Variants in GPR180 observed in about 807,000 individuals in gnomAD.
The protein encoded by GPR180 is G protein-coupled receptor 180, also known as integral membrane protein GPR180.
GPR180 carries 53 observed loss-of-function variants against 52.6 expected under a neutral mutation model. The ratio of observed to expected loss-of-function variants is 1.01; its 90% CI spans 0.81 to 1.27. The LOEUF (loss-of-function observed/expected upper bound fraction) is 1.27, where lower values mean the gene tolerates loss of function less well. GPR180 is among the 50% of genes most tolerant of loss of function. The pLI is 0.00. For synonymous variants in GPR180, 200 were observed against 193.1 expected (o/e 1.04, Z -0.30); for missense variants, 533 against 527.0 (o/e 1.01, Z -0.11).
chr13:94,615,612 G>A (rs1046496833), intron 3 of GPR180, among the ~76,000 whole-genome samples: 2 of 152,166 alleles, frequency 1.3e-5, no homozygotes, highest in Admixed American at 6.5e-5. Context: ...AAGGTACAAT[G>A]AAATAAAACT....
rs1437477817 is a variant in GPR180 at position 94,627,136 on chromosome 13, A to G, written c.1288A>G (p.Ile430Val). The G allele has an allele frequency of 3.7e-6, 6 of 1,612,548 alleles. No homozygotes were observed. The highest frequency in any genetic ancestry group is 8.5e-7 in the Non-Finnish European group (1 of 1,179,414). Residue 430 changes from isoleucine to valine, a missense_variant, in exon 9 of 9, where the codon ATA becomes GTA. Physicochemically the swap from Ile to Val is conservative, Grantham distance 29. Transcript: ENST00000376958. Reference protein sequence around the residue: ...SLSSVTLPLTISSGHKSRPHF With the variant: ...SLSSVTLPLTVSSGHKSRPHF ...TTCTTCAGTAACACTACCACTGACC[A>G]TATCATCTGGACACAAAAGTCGCCC...
intron 3 of GPR180, among the ~76,000 whole-genome samples, chr13:94,616,600 C>T (rs1354237735): frequency 6.6e-6 from 1 of 152,192 alleles, no homozygotes; most frequent in Non-Finnish European, 1.5e-5. Flanking sequence ...CAAGTGTTCA[C>T]CACCTGTTGT....
chr13:94,618,105 C>A (rs949901522), intron 3 of GPR180, among the ~76,000 whole-genome samples: 3 of 152,184 alleles, frequency 2.0e-5, no homozygotes, highest in African/African-American at 7.2e-5. Context: ...ATTTTTAATA[C>A]AAAGTCTGCA....
chr13:94,617,309 C>G (rs747073165), intron 3 of GPR180, among the ~76,000 whole-genome samples: 9 of 152,046 alleles, frequency 5.9e-5, no homozygotes, highest in Non-Finnish European at 1.3e-4. Context: ...AAGATAAAAA[C>G]TAAGATTCAA....
chr13:94,602,062 C>G lies in GPR180; in HGVS notation c.135C>G (p.Phe45Leu). ...QDAQGQRIGH[F>L]EFHGDHALLC... is the part of the protein sequence containing the mutation. ...CCCAGGGCCAGCGCATCGGCCACTT[C>G]GAGTTCCATGGTAGGTCTGGGGGCG... Residue 45 changes from phenylalanine (F) to leucine (L), a missense_variant, in exon 1 of 9, where the codon TTC (phenylalanine) becomes TTG (leucine). Physicochemically the swap from Phe to Leu is conservative, Grantham distance 22 (BLOSUM62 0). Transcript: ENST00000376958. 3 of 1,396,428 alleles carry G rather than the reference C, an allele frequency of 2.1e-6. No individual in the cohort carries two copies. Among genetic ancestry groups the G allele is most frequent in the Non-Finnish European group, 2.8e-6 (3 of 1,070,830 alleles). 86.5% of individuals were successfully genotyped at this position (1,396,428 alleles called of 1,614,324 possible). A position where few individuals can be genotyped will look rare whatever the true frequency, so the allele number is the denominator to read the frequency against.
At chr13:94,624,580 C>T (rs920501172) in intron 7 of GPR180, among the ~76,000 whole-genome samples, 1 of 152,196 alleles carries the variant, frequency 6.6e-6, no homozygotes, top group African/African-American at 2.4e-5. Context: ...GTTTTTGAGA[C>T]GGTGTCTCGC....
intron 7 of GPR180, among the ~76,000 whole-genome samples, chr13:94,625,273 C>T (rs1483957838): frequency 1.3e-5 from 2 of 152,166 alleles, no homozygotes; most frequent in Admixed American, 6.5e-5. Flanking sequence ...ATTTATCCTT[C>T]TGGAGTTTTA....
rs1889616547 is a variant in GPR180, at chr13:94,605,437, T to C, written c.192T>C (p.Ala64=). The change falls in exon 2 of 9, where the codon GCT becomes GCC. Residue 64 remains alanine (A), a synonymous_variant. Coordinates refer to ENST00000376958, the MANE Select transcript of GPR180 (RefSeq NM_180989.6). ...LCVRINNIAV[A]VGKEAKLYLF... is the part of the protein sequence containing the mutation. ...TCAGAATCAACAACATAGCAGTAGC[T>C]GTTGGAAAAGAAGCTAAACTCTACC... The C allele has an allele frequency of 6.2e-7, 1 of 1,614,132 alleles. No homozygotes were observed. Among genetic ancestry groups the C allele is most frequent in the Admixed American group, 1.7e-5 (1 of 60,014 alleles).
chr13:94,601,869 G>C lies in GPR180; in HGVS notation c.-59G>C. On this transcript the variant is annotated 5_prime_UTR_variant, in exon 1 of 9. Coordinates refer to ENST00000376958, the MANE Select transcript of GPR180 (RefSeq NM_180989.6). ...CCCCGCCTCCCCCAGCTGCCGACGT[G>C]GGGCGGGCAGCCGCCGGCGGCTGGG... is the stretch of plus-strand genomic sequence containing the variant. 7.5e-7 allele frequency: 1 copy of C among 1,329,772 alleles called. No individual in the cohort carries two copies. Among genetic ancestry groups the C allele is most frequent in the Non-Finnish European group, 9.6e-7 (1 of 1,038,458 alleles). 82.4% of individuals were successfully genotyped at this position (1,329,772 alleles called of 1,614,324 possible).
At position 94,627,660 on chromosome 13, in the gene GPR180, A is replaced by G. The variant is rs1889945157; in HGVS notation, c.*489A>G. On this transcript the variant is annotated 3_prime_UTR_variant, in exon 9 of 9. Coordinates refer to ENST00000376958, the MANE Select transcript of GPR180 (RefSeq NM_180989.6). ...GTATTTCATATTTGAGTTTAAAGGA[A>G]TTGAAATTACTTCAGGAAATGAATA... 6.6e-6 allele frequency: 1 copy of G among 152,540 alleles called. No individual in the cohort carries two copies. The highest frequency in any genetic ancestry group is 1.5e-5 in the Non-Finnish European group (1 of 68,274). The allele number at this position is 152,540 out of a possible 1,614,324, so 9.4% of individuals were successfully genotyped here.
chr13:94,618,420 A>AGTTTTGTTTTTTTTTT (rs1889805818), intron 3 of GPR180, among the ~76,000 whole-genome samples: 1 of 87,156 alleles, frequency 1.1e-5, no homozygotes, highest in South Asian at 3.3e-4. Flanking sequence ...TCAGCACAGG[A>AGTTTTGTTTTTTTTTT]TTTTTTTTTT....
chr13:94,625,866 G>T (rs1157749479), intron 7 of GPR180, 100 bp from the exon 8 acceptor site: 2 of 709,222 alleles, frequency 2.8e-6, no homozygotes, highest in Non-Finnish European at 4.8e-6. Flanking sequence ...GCCTGTTGAG[G>T]TTAATCAGAA....
chr13:94,631,892 A>G lies in GPR180; in HGVS notation c.*4721A>G, dbSNP rs983100041. ...TTATTTTATGTAGTCCTGTAATAGGACCATGTGTCTGGTTTCTGGCCTGCC... is the reference window on the plus strand; with the variant it reads ...TTATTTTATGTAGTCCTGTAATAGGGCCATGTGTCTGGTTTCTGGCCTGCC... On this transcript the variant is annotated 3_prime_UTR_variant, in exon 9 of 9. Coordinates refer to ENST00000376958, the MANE Select transcript of GPR180 (RefSeq NM_180989.6). 9 of 152,096 alleles carry G rather than the reference A, an allele frequency of 5.9e-5. No homozygotes were observed. Among genetic ancestry groups the G allele is most frequent in the Non-Finnish European group, 1.2e-4 (8 of 68,030 alleles). The allele number at this position is 152,096 out of a possible 1,614,324, so 9.4% of individuals were successfully genotyped here.
At chr13:94,626,675 G>A (rs80020089) in intron 8 of GPR180, among the ~76,000 whole-genome samples, 16,486 of 152,068 alleles carry the variant, frequency 0.11, 1,363 homozygotes, top group African/African-American at 0.23. Context: ...AGGTAGGAGC[G>A]TGCTTTATTC....
chr13:94,619,866 A>G (rs144464990), intron 5 of GPR180, among the ~76,000 whole-genome samples: 1 of 152,072 alleles, frequency 6.6e-6, no homozygotes, highest in Non-Finnish European at 1.5e-5. Flanking sequence ...TTACAGGCAC[A>G]TACCATCATG....
intron 7 of GPR180, among the ~76,000 whole-genome samples, chr13:94,624,201 C>T (rs1359977177): frequency 6.6e-6 from 1 of 152,154 alleles, no homozygotes; most frequent in Non-Finnish European, 1.5e-5. Context: ...AGAACCTTCC[C>T]TCCCTAGAAG....
intron 6 of GPR180, among the ~76,000 whole-genome samples, chr13:94,622,020 A>C (rs1055024724): frequency 3.3e-5 from 5 of 152,208 alleles, no homozygotes; most frequent in African/African-American, 1.2e-4. Context: ...AAAATGTATT[A>C]ATGAAGGATG....
rs376585998 is a variant in GPR180, at chr13:94,614,905, A to G, written c.505+2515A>G. 4.6e-5 allele frequency among the ~76,000 whole-genome samples: 7 copies of G among 152,348 alleles called. No individual in the cohort carries two copies. The East Asian group carries it at 9.6e-4, about 21-fold the overall frequency. On this transcript the variant is annotated intron_variant, in intron 3 of 8. Coordinates refer to ENST00000376958, the MANE Select transcript of GPR180 (RefSeq NM_180989.6). Reference sequence around the variant, plus strand: ...CATTAGAAAGTGCCAGAAGTATCCAAAAGCGTCCAGCCTTGTTATGTGGCT... The same window carrying G: ...CATTAGAAAGTGCCAGAAGTATCCAGAAGCGTCCAGCCTTGTTATGTGGCT...
chr13:94,602,649 A>G (rs1889575255), intron 1 of GPR180, among the ~76,000 whole-genome samples: 1 of 152,158 alleles, frequency 6.6e-6, no homozygotes, highest in Admixed American at 6.5e-5. Flanking sequence ...CCTAGAATTA[A>G]GCTGATGAAA....
Sources: gnomAD v4.1 joint callset for allele counts (sites outside exome capture counted in the v4.1 genomes callset) on GRCh38, gnomAD v4.1.1 for gene constraint, MANE v1.5 for transcripts, NCBI Gene and HGNC (gene_info 2026-07-23, HGNC 2026-07-21) for gene names.